The following CACNA2D3 variants were observed in gnomAD, a reference collection of about 807,000 sequenced individuals.
The protein encoded by CACNA2D3 is calcium voltage-gated channel auxiliary subunit alpha2delta 3, also known as voltage-dependent calcium channel subunit alpha-2/delta-3.
In CACNA2D3, 60 loss-of-function variants were observed where a neutral mutation model predicts 160.6. The ratio of observed to expected loss-of-function variants is 0.37; its 90% confidence interval spans 0.30 to 0.46. The LOEUF (loss-of-function observed/expected upper bound fraction) is 0.46. Ranked by LOEUF, CACNA2D3 falls within the 20% of genes least tolerant of loss-of-function variation. The pLI is 1.00. For synonymous variants in CACNA2D3, 558 were observed against 492.9 expected, an observed-to-expected ratio of 1.13 and a Z score of -1.75; for missense variants, 1,205 against 1,365.0, an observed-to-expected ratio of 0.88 and a Z score of 1.85.
chr3:54,454,997 T>G (rs1241401157), intron 4 of CACNA2D3, among the ~76,000 whole-genome samples: 1 of 152,176 alleles, frequency 6.6e-6, no homozygotes, highest in Non-Finnish European at 1.5e-5. Flanking sequence ...ATTCATCTGT[T>G]GATGAACATG....
intron 2 of CACNA2D3, among the ~76,000 whole-genome samples, chr3:54,126,879 T>C (rs7621151): frequency 0.39 from 59,240 of 152,102 alleles, 11,654 homozygotes; most frequent in South Asian, 0.49. Flanking sequence ...TCAGCTGCCT[T>C]TATCTTGCTT....
intron 4 of CACNA2D3, among the ~76,000 whole-genome samples, chr3:54,471,757 A>G (rs1700735878): frequency 6.6e-6 from 1 of 152,218 alleles, no homozygotes; most frequent in Non-Finnish European, 1.5e-5. Context: ...CTACCATCAG[A>G]GAATATTATA....
At chr3:54,611,443 AG>A (rs1378618188) in intron 9 of CACNA2D3, among the ~76,000 whole-genome samples, 5 of 152,234 alleles carry the variant, frequency 3.3e-5, no homozygotes, top group South Asian at 4.1e-4. Flanking sequence ...CTCCACAGAT[AG>A]GGTCACCTTA....
chr3:54,881,553 G>A (rs967033708), intron 21 of CACNA2D3, among the ~76,000 whole-genome samples: 1 of 152,174 alleles, frequency 6.6e-6, no homozygotes, highest in African/African-American at 2.4e-5. Flanking sequence ...CAGCTCCCTA[G>A]TAGTTCAGAG....
At chr3:54,550,660 G>A (rs1041715882) in intron 5 of CACNA2D3, among the ~76,000 whole-genome samples, 1 of 152,166 alleles carries the variant, frequency 6.6e-6, no homozygotes, top group Non-Finnish European at 1.5e-5. Flanking sequence ...TTGGGGACAC[G>A]TTTCCCTGTT....
intron 17 of CACNA2D3, among the ~76,000 whole-genome samples, chr3:54,857,366 T>A (rs896177272): frequency 6.6e-6 from 1 of 152,210 alleles, no homozygotes; most frequent in Non-Finnish European, 1.5e-5. Context: ...GGCTCATACC[T>A]GACAGCAGCT....
chr3:54,992,710 C>T (rs1363075746), intron 31 of CACNA2D3, among the ~76,000 whole-genome samples: 2 of 151,684 alleles, frequency 1.3e-5, no homozygotes, highest in African/African-American at 2.4e-5. Context: ...GGGGCCCCCA[C>T]CTTCAGTGTC....
intron 2 of CACNA2D3, among the ~76,000 whole-genome samples, chr3:54,319,459 G>T (rs1703941737): frequency 6.6e-6 from 1 of 152,092 alleles, no homozygotes; most frequent in Non-Finnish European, 1.5e-5. Context: ...ACAAATAAGA[G>T]TAAATATATC....
intron 2 of CACNA2D3, among the ~76,000 whole-genome samples, chr3:54,191,514 G>C (rs561991392): frequency 2.3e-4 from 35 of 152,194 alleles, no homozygotes; most frequent in African/African-American, 8.2e-4. Flanking sequence ...CTAGTACCCA[G>C]GGAGTGCCTT....
At chr3:54,752,137 G>A (rs1289844189) in intron 11 of CACNA2D3, among the ~76,000 whole-genome samples, 2 of 152,202 alleles carry the variant, frequency 1.3e-5, no homozygotes, top group African/African-American at 2.4e-5. Flanking sequence ...AGACACCACA[G>A]ATGGTAAGAG....
intron 4 of CACNA2D3, among the ~76,000 whole-genome samples, chr3:54,441,415 A>G (rs1356604865): frequency 7.9e-5 from 12 of 151,602 alleles, no homozygotes; most frequent in African/African-American, 2.4e-4. Flanking sequence ...GATTGCAAAA[A>G]TTTTCTCCCA....
intron 24 of CACNA2D3, among the ~76,000 whole-genome samples, chr3:54,890,206 GTGTT>G (rs1350812997): frequency 6.6e-6 from 1 of 152,110 alleles, no homozygotes; most frequent in African/African-American, 2.4e-5. Context: ...ATAAAATTAT[GTGTT>G]TGTGGACCAG....
chr3:54,143,921 T>C (rs956141102), intron 2 of CACNA2D3, among the ~76,000 whole-genome samples: 3 of 152,212 alleles, frequency 2.0e-5, no homozygotes, highest in Non-Finnish European at 4.4e-5. Flanking sequence ...TATGTTATAA[T>C]GGGAAGATAT....
Position 54,875,235 on chromosome 3 carries a change from C to G in CACNA2D3, c.1710+3613C>G, listed in dbSNP as rs151002151. The G allele has an allele frequency of 1.8e-3, 281 of 152,300 alleles. 2 individuals carry two copies. The highest frequency in any genetic ancestry group is 6.4e-3 in the African/African-American group (264 of 41,554). The allele number at this position is 152,300 out of a possible 1,614,324, so 9.4% of individuals were successfully genotyped here. On this transcript the variant is annotated intron_variant, in intron 18 of 37. Coordinates refer to ENST00000474759, the MANE Select transcript of CACNA2D3 (RefSeq NM_018398.3). ...CTGGACACCCAAACTAAGCACAGCA[C>G]TCCCCCACCCCCTCCAAACCCAAAC...
rs1185317244 is a variant in CACNA2D3, at chr3:55,074,395, A to ATCTT, written c.*191_*194dup. The ATCTT allele has an allele frequency of 1.4e-5, 7 of 494,098 alleles. No homozygotes were observed. The highest frequency in any genetic ancestry group is 1.0e-4 in the African/African-American group (4 of 38,576). The allele number at this position is 494,098 out of a possible 1,614,324, so 30.6% of individuals were successfully genotyped here. A position where few individuals can be genotyped will look rare whatever the true frequency, so the allele number is the denominator to read the frequency against. On this transcript the variant is annotated 3_prime_UTR_variant, in exon 38 of 38. Transcript: ENST00000474759. ...ATATGTTGACAAAAAGTTATCTATC[A>ATCTT]TCTTTTTACTTTGCCAGTCATGCAA...
At chr3:54,769,130 C>G (rs535285983) in intron 13 of CACNA2D3, among the ~76,000 whole-genome samples, 4 of 152,180 alleles carry the variant, frequency 2.6e-5, no homozygotes, top group Non-Finnish European at 4.4e-5. Flanking sequence ...ATCATTTATA[C>G]GGGGTCAAAA....
chr3:54,473,718 A>G (rs1401721724), intron 4 of CACNA2D3, among the ~76,000 whole-genome samples: 2 of 152,162 alleles, frequency 1.3e-5, no homozygotes, highest in Non-Finnish European at 1.5e-5. Context: ...TAAAAAGTGG[A>G]TGAAGGAAAT....
chr3:54,817,613 A>G (rs1195023502), intron 14 of CACNA2D3, among the ~76,000 whole-genome samples: 1 of 152,214 alleles, frequency 6.6e-6, no homozygotes, highest in Non-Finnish European at 1.5e-5. Flanking sequence ...TGGGGGCCAG[A>G]TGTTGTGTTT....
At chr3:54,570,148 G>T in intron 8 of CACNA2D3, 44 bp downstream of exon 8, 1 of 1,595,976 alleles carries the variant, frequency 6.3e-7, no homozygotes, top group South Asian at 1.1e-5. Context: ...GGGTTCATTT[G>T]ATCTTTTGGT....
Sources: allele counts gnomAD v4.1 joint callset (sites outside exome capture counted in the v4.1 genomes callset), GRCh38; gene constraint gnomAD v4.1.1; transcripts MANE v1.5; gene names NCBI Gene and HGNC (gene_info 2026-07-23, HGNC 2026-07-21).